The following UBE2S variants were observed in gnomAD, a reference collection of about 807,000 sequenced individuals.
UBE2S encodes ubiquitin-conjugating enzyme E2 S.
A neutral mutation model predicts 12.3 loss-of-function variants in UBE2S; 3 were observed. The ratio of observed to expected loss-of-function variants is 0.24; its 90% CI spans 0.11 to 0.63. UBE2S has a LOEUF of 0.63. UBE2S is among the 30% of genes least tolerant of loss of function. UBE2S has a pLI of 0.85. For synonymous variants in UBE2S, 133 were observed against 142.0 expected (o/e 0.94, Z 0.45); for missense variants, 211 against 313.9 (o/e 0.67, Z 2.48).
At chr19:55,407,454 C>G in intron 1 of UBE2S, 133 bp downstream of exon 1, 1 of 1,014,838 alleles carries the variant, frequency 9.9e-7, no homozygotes, top group Non-Finnish European at 1.4e-6. Context: ...GGCCCTCGGG[C>G]CCATCCCGGG....
intron 2 of UBE2S, among the ~76,000 whole-genome samples, chr19:55,406,439 A>T (rs1488746419): frequency 6.6e-6 from 1 of 152,038 alleles, no homozygotes; most frequent in African/African-American, 2.4e-5. Flanking sequence ...CCTGACACTC[A>T]CAGCAGGATG....
chr19:55,402,518 G>T (rs1452510599), intron 3 of UBE2S, among the ~76,000 whole-genome samples: 2 of 152,188 alleles, frequency 1.3e-5, no homozygotes, highest in African/African-American at 4.8e-5. Flanking sequence ...CTCTGAAGTG[G>T]GTCTGGGCAA....
At chr19:55,405,460 G>A (rs1271700072) in intron 2 of UBE2S, among the ~76,000 whole-genome samples, 1 of 152,110 alleles carries the variant, frequency 6.6e-6, no homozygotes, top group African/African-American at 2.4e-5. Flanking sequence ...AGTGAGCAGA[G>A]ATTGTGCTAT....
rs1197202014 is a variant in UBE2S at position 55,402,500 on chromosome 19, G to A, written c.343-738C>T. ...TGCAGCCAGGCCTCCAGCAGCCCCA[G>A]CTGGATCCTCTGAAGTGGGTCTGGG... is the stretch of plus-strand genomic sequence containing the variant. On this transcript the variant is annotated intron_variant, in intron 3 of 3. Coordinates refer to ENST00000264552, the MANE Select transcript of UBE2S (RefSeq NM_014501.3). Among the ~76,000 whole-genome samples the A allele has an allele frequency of 2.0e-5, 3 of 152,208 alleles. No homozygotes were observed. In the East Asian group the frequency reaches 5.8e-4, roughly 29 times the overall value.
At chr19:55,402,734 G>A (rs1015425478) in intron 3 of UBE2S, among the ~76,000 whole-genome samples, 3 of 152,172 alleles carry the variant, frequency 2.0e-5, no homozygotes, top group African/African-American at 7.2e-5. Flanking sequence ...CAGCAAGTAG[G>A]CCTGGAGCTC....
chr19:55,406,469 C>T (rs1277745780), intron 2 of UBE2S, among the ~76,000 whole-genome samples: 36 of 152,132 alleles, frequency 2.4e-4, no homozygotes, highest in Admixed American at 2.4e-3. Flanking sequence ...ATCACCTGGC[C>T]CACCCTCCCA....
rs780497000 is a variant in UBE2S at position 55,401,452 on chromosome 19, G to A, written c.653C>T (p.Ala218Val). 3.7e-6 allele frequency: 6 copies of A among 1,604,800 alleles called. No homozygotes were observed. Among genetic ancestry groups the A allele is most frequent in the African/African-American group, 2.7e-5 (2 of 74,822 alleles). The change falls in exon 4 of 4, where the codon GCG becomes GTG. Residue 218 changes from alanine to valine, a missense_variant. Ala to Val is a moderately conservative substitution (Grantham distance 64). Coordinates refer to ENST00000264552, the MANE Select transcript of UBE2S (RefSeq NM_014501.3). ...AAKKKTDKKR[A>V]LRRL ...GAGAGCCCACTACAGCCGCCGCAGC[G>A]CCCGCTTCTTGTCCGTCTTTTTCTT...
At position 55,406,769 on chromosome 19, in the gene UBE2S, G is replaced by C. The variant is rs369214413; in HGVS notation, c.151+46C>G. The C allele has an allele frequency of 1.7e-4, 263 of 1,581,010 alleles. 1 individual carries two copies. In the African/African-American group the frequency reaches 3.3e-3, roughly 20 times the overall value. The stretch of plus-strand genomic sequence containing the variant: ...CTAGGGTGATCTAGAGCAGGGTGAT[G>C]GAGGATCTAAGCAGCAGCCCCTTCT... On this transcript the variant is annotated intron_variant, in intron 2 of 3. Transcript: ENST00000264552.
At chr19:55,405,488 G>A (rs914273998) in intron 2 of UBE2S, among the ~76,000 whole-genome samples, 2 of 151,970 alleles carry the variant, frequency 1.3e-5, no homozygotes, top group African/African-American at 2.4e-5. Flanking sequence ...CAGCCTAGGC[G>A]ACAGAGCAAG....
chr19:55,405,606 C>T (rs10411621), intron 2 of UBE2S, among the ~76,000 whole-genome samples: 2 of 152,130 alleles, frequency 1.3e-5, no homozygotes, highest in Admixed American at 1.3e-4. Context: ...GCAGCCCCCA[C>T]CTGTGTCACT....
chr19:55,407,472 C>A (rs1207524453), intron 1 of UBE2S, 115 bp downstream of exon 1: 2 of 1,181,668 alleles, frequency 1.7e-6, no homozygotes, highest in African/African-American at 1.6e-5. Flanking sequence ...GGGTCAGGGA[C>A]CCCCAGGCTG....
rs1337231156 is a variant in UBE2S, at chr19:55,401,864, C to T, written c.343-102G>A. ...CCGCACTGGCTGTTCCTTCTGCTCC[C>T]AACTCAGCTGCAGATCCAGGCCCCA... On this transcript the variant is annotated intron_variant, in intron 3 of 3. Transcript: ENST00000264552. 2.8e-5 allele frequency: 35 copies of T among 1,270,986 alleles called. No homozygotes were observed. In the Admixed American group the frequency reaches 4.0e-4, roughly 14 times the overall value. The allele number at this position is 1,270,986 out of a possible 1,614,324, so 78.7% of individuals were successfully genotyped here.
At chr19:55,401,905 CCCT>C in intron 3 of UBE2S, 143 bp from the exon 4 acceptor site, 1 of 731,246 alleles carries the variant, frequency 1.4e-6, no homozygotes, top group Non-Finnish European at 2.0e-6. Flanking sequence ...GCTGCATCCT[CCCT>C]CATCTTTGCT....
rs767514205 is a variant in UBE2S, at chr19:55,406,905, T to C, written c.61A>G (p.Thr21Ala). Residue 21 changes from threonine to alanine, a missense_variant, in exon 2 of 4, where the codon ACG (threonine) becomes GCG (alanine). Physicochemically the swap from Thr to Ala is moderately conservative, Grantham distance 58. This residue lies in a region of UBE2S where 127 missense variants were observed against 224.0 expected (regional missense o/e 0.57). Coordinates refer to ENST00000264552, the MANE Select transcript of UBE2S (RefSeq NM_014501.3). Reference protein sequence around the residue: ...HIIRLVYKEVTTLTADPPDGI... With the variant: ...HIIRLVYKEVATLTADPPDGI... ...TCGGGTGGGTCTGCGGTCAGTGTCG[T>C]CACCTCCTTGTACACCAGGCGGATG... 7.4e-6 allele frequency: 12 copies of C among 1,613,970 alleles called. No homozygotes were observed. The highest frequency in any genetic ancestry group is 1.0e-5 in the Non-Finnish European group (12 of 1,179,940).
Position 55,400,347 on chromosome 19 carries a change from A to G in UBE2S, c.*1089T>C, listed in dbSNP as rs1377044103. Reference sequence around the variant, plus strand: ...TTAATTTTTTTAAAATTAATGAGACATTGGTCTAAATAACCTAAACGCATT... The same window carrying G: ...TTAATTTTTTTAAAATTAATGAGACGTTGGTCTAAATAACCTAAACGCATT... On this transcript the variant is annotated 3_prime_UTR_variant, in exon 4 of 4. Coordinates refer to ENST00000264552, the MANE Select transcript of UBE2S (RefSeq NM_014501.3). 6.6e-6 allele frequency: 1 copy of G among 152,188 alleles called. No individual in the cohort carries two copies. Among genetic ancestry groups the G allele is most frequent in the Non-Finnish European group, 1.5e-5 (1 of 68,026 alleles). 9.4% of individuals were successfully genotyped at this position (152,188 alleles called of 1,614,324 possible). A position where few individuals can be genotyped will look rare whatever the true frequency, so the allele number is the denominator to read the frequency against.
chr19:55,401,566 G>T lies in UBE2S; in HGVS notation c.539C>A (p.Thr180Asn). The change falls in exon 4 of 4, where the codon ACC (threonine) becomes AAC (asparagine). Residue 180 changes from threonine (T) to asparagine (N), a missense_variant. This residue lies in a region of UBE2S where 84 missense variants were observed against 89.9 expected (regional missense o/e 0.93). Transcript: ENST00000264552. Reference sequence around the variant, plus strand: ...CGGGCCCCCTGGGGCCCCAGGGTCGGTGGAGGAAGCTTCAGTGCCACTGGC... The same window carrying T: ...CGGGCCCCCTGGGGCCCCAGGGTCGTTGGAGGAAGCTTCAGTGCCACTGGC... ...ALASGTEASS[T>N]DPGAPGGPGG... The T allele has an allele frequency of 6.2e-7, 1 of 1,610,236 alleles. No homozygotes were observed. The highest frequency in any genetic ancestry group is 1.1e-5 in the South Asian group (1 of 90,962).
intron 3 of UBE2S, among the ~76,000 whole-genome samples, chr19:55,403,558 A>C (rs1001266663): frequency 1.3e-5 from 2 of 151,984 alleles, no homozygotes; most frequent in Non-Finnish European, 2.9e-5. Context: ...AAAGAAAGAA[A>C]GAGCTTCTAA....
chr19:55,403,258 G>C, intron 3 of UBE2S: 2 of 576,134 alleles, frequency 3.5e-6, no homozygotes, highest in Middle Eastern at 4.6e-4. Flanking sequence ...CTTTGGAACT[G>C]AGTTTTACGG....
Position 55,401,495 on chromosome 19 carries a change from C to G in UBE2S, c.610G>C (p.Asp204His), listed in dbSNP as rs767659246. 6.2e-7 allele frequency: 1 copy of G among 1,609,418 alleles called. No individual in the cohort carries two copies. Among genetic ancestry groups the G allele is most frequent in the Admixed American group, 1.7e-5 (1 of 59,826 alleles). Residue 204 changes from aspartate to histidine, a missense_variant, in exon 4 of 4, where the codon GAT becomes CAT. Coordinates refer to ENST00000264552, the MANE Select transcript of UBE2S (RefSeq NM_014501.3). ...TTTTTCTTGGCCGCCAGCTTCTTAT[C>G]GCGCTCGCCAGCATGCTTCTTGGCC... ...PMAKKHAGER[D>H]KKLAAKKKTD...
Sources: allele counts gnomAD v4.1 joint callset (sites outside exome capture counted in the v4.1 genomes callset), GRCh38; gene constraint gnomAD v4.1.1; regional missense constraint gnomAD v4.1.1; transcripts MANE v1.5; gene names NCBI Gene and HGNC (gene_info 2026-07-23, HGNC 2026-07-21).